NEB: variants seen among roughly 807,000 people sequenced by gnomAD.
NEB encodes nebulin.
NEB carries 512 observed loss-of-function variants against 952.2 expected under a neutral mutation model. The observed-to-expected ratio is 0.54, with a 90% CI of 0.50 to 0.58. The LOEUF (loss-of-function observed/expected upper bound fraction) is 0.58, where lower values mean the gene tolerates loss of function less well. Ranked by LOEUF, NEB falls within the 20% of genes least tolerant of loss-of-function variation. The pLI is 0.00. For synonymous variants in NEB, 2,900 were observed against 3,149.8 expected (o/e 0.92, Z 2.66); for missense variants, 8,428 against 9,231.1 (o/e 0.91, Z 3.56).
At position 151,633,758 on chromosome 2, in the gene NEB, A is replaced by C. The variant is rs1229724426; in HGVS notation, c.9310T>G (p.Leu3104Val). The C allele has an allele frequency of 3.1e-6, 5 of 1,613,952 alleles. No individual in the cohort carries two copies. Among genetic ancestry groups the C allele is most frequent in the Non-Finnish European group, 4.2e-6 (5 of 1,179,880 alleles). ...TTCTTATAGTCCACGTCACTGACTA[A>C]GGTCTGGCACTTCTTGGCCAGCACC... Reference protein sequence around the residue: ...GVVLAKKCQTLVSDVDYKNYL... With the variant: ...GVVLAKKCQTVVSDVDYKNYL... Residue 3104 changes from leucine to valine, a missense_variant, in exon 65 of 182, where the codon TTA becomes GTA. Transcript: ENST00000397345.
At chr2:151,568,443 G>A (rs1425458383) in intron 111 of NEB, 26 bp from the exon 112 acceptor site, 1 of 1,559,244 alleles carries the variant, frequency 6.4e-7, no homozygotes, top group African/African-American at 1.4e-5. Context: ...TGAGAGGCAA[G>A]GGGGCAAGTT....
chr2:151,557,839 C>T (rs2095766451), intron 124 of NEB, among the ~76,000 whole-genome samples: 1 of 152,162 alleles, frequency 6.6e-6, no homozygotes, highest in African/African-American at 2.4e-5. Flanking sequence ...TAAAAACTCT[C>T]AATAAACTAG....
At chr2:151,548,022 T>G (rs180950282) in intron 131 of NEB, among the ~76,000 whole-genome samples, 6 of 152,220 alleles carry the variant, frequency 3.9e-5, no homozygotes. Flanking sequence ...CAGACTAAAA[T>G]GCAACCTTAT....
rs149430473 is a variant in NEB at position 151,646,225 on chromosome 2, T to C, written c.7441A>G (p.Arg2481Gly). The change falls in exon 55 of 182, where the codon AGA becomes GGA. Residue 2481 changes from arginine (R) to glycine (G), a missense_variant. By Grantham distance (125) the Arg-to-Gly change is moderately radical. Transcript: ENST00000397345. ...NAKNRSDRLY[R>G]EAWDKDKTQI... ...GTCTTGTCTTTGTCCCAAGCTTCTC[T>C]ATAAAGTCTCTAAAATAAGAAATAA... The C allele has an allele frequency of 5.3e-5, 84 of 1,587,926 alleles. No homozygotes were observed. In the Middle Eastern group the frequency reaches 3.0e-3, roughly 57 times the overall value.
rs60310785 is a variant in NEB at position 151,488,652 on chromosome 2, T to TA, written c.25404+1318dup. ...TAGAGTGAGACCCTGTCTCTAAAAA[T>TA]AAAAAAAAAGTATTCTGTATTATTC... On this transcript the variant is annotated intron_variant, in intron 181 of 181. Transcript: ENST00000397345. Among the ~76,000 whole-genome samples the TA allele has an allele frequency of 2.4e-3, 370 of 151,122 alleles. 9 individuals are homozygous for TA. The East Asian group carries it at 0.043, about 18-fold the overall frequency.
intron 51 of NEB, among the ~76,000 whole-genome samples, chr2:151,654,497 G>A (rs1000115727): frequency 4.6e-5 from 7 of 152,184 alleles, no homozygotes; most frequent in African/African-American, 1.7e-4. Context: ...TTAGCTAAGT[G>A]ATAAAAGCAA....
At chr2:151,535,621 AT>A in intron 142 of NEB, 69 bp downstream of exon 142, 2 of 985,774 alleles carry the variant, frequency 2.0e-6, no homozygotes, top group Non-Finnish European at 3.0e-6. Context: ...TTGGGCTTTA[AT>A]TTAAAAAAAC....
chr2:151,663,922 AG>A, intron 44 of NEB, 63 bp from the exon 45 acceptor site: 1 of 1,488,310 alleles, frequency 6.7e-7, no homozygotes. Context: ...ACCATTTGCT[AG>A]GTGATGTGAG....
intron 18 of NEB, 53 bp from the exon 19 acceptor site, chr2:151,694,682 A>G: frequency 7.3e-7 from 1 of 1,365,048 alleles, no homozygotes; most frequent in Non-Finnish European, 1.0e-6. Context: ...GCATGTCACG[A>G]CCTTTAAAGA....
rs372905711 is a variant in NEB at position 151,610,509 on chromosome 2, T to G, written c.12018+7A>C. On this transcript the variant is annotated splice_region_variant and intron_variant, in intron 80 of 181. Transcript: ENST00000397345. Reference sequence around the variant, plus strand: ...AGACCACAGAGAGTTAGATGGAAGGTACTCACGTCACTGGCGATGTCCCTG... The same window carrying G: ...AGACCACAGAGAGTTAGATGGAAGGGACTCACGTCACTGGCGATGTCCCTG... 25 of 1,592,770 alleles carry G rather than the reference T, an allele frequency of 1.6e-5. No homozygotes were observed. Among genetic ancestry groups the G allele is most frequent in the Non-Finnish European group, 1.8e-5 (21 of 1,160,820 alleles).
chr2:151,578,696 A>G (rs1422197020), intron 105 of NEB, among the ~76,000 whole-genome samples: 1 of 148,238 alleles, frequency 6.7e-6, no homozygotes, highest in Non-Finnish European at 1.5e-5. Context: ...GGAAGGAAGG[A>G]GAGAAGGAGG....
rs1400153906 is a variant in NEB, at chr2:151,692,330, C to A, written c.1929G>T (p.Lys643Asn). 3 of 1,612,648 alleles carry A rather than the reference C, an allele frequency of 1.9e-6. No homozygotes were observed. The South Asian group carries it at 3.3e-5, about 18-fold the overall frequency. The change falls in exon 21 of 182, where the codon AAG (lysine) becomes AAT (asparagine). Residue 643 changes from lysine to asparagine, a missense_variant. Lys to Asn is a moderately conservative substitution (Grantham distance 94). Coordinates refer to ENST00000397345, the MANE Select transcript of NEB (RefSeq NM_001164508.2). The stretch of plus-strand genomic sequence containing the variant: ...TCTCACAGTAATTCATACTCTTTGC[C>A]TTTGTCTTCTCATAGTTTTCCTTGT... ...RLYKENYEKT[K>N]AKSMNYCETP... is the part of the protein sequence containing the mutation.
intron 181 of NEB, among the ~76,000 whole-genome samples, chr2:151,488,033 T>G (rs906510703): frequency 1.3e-5 from 2 of 152,184 alleles, no homozygotes; most frequent in African/African-American, 4.8e-5. Flanking sequence ...GCACTTTTAT[T>G]TTTATATTCC....
intron 7 of NEB, 39 bp from the exon 8 acceptor site, chr2:151,724,403 C>A: frequency 6.9e-7 from 1 of 1,452,934 alleles, no homozygotes; most frequent in South Asian, 1.2e-5. Context: ...CTTGAGGTCT[C>A]ACCCAAAGGC....
intron 11 of NEB, among the ~76,000 whole-genome samples, chr2:151,710,100 T>A (rs1175176154): frequency 1.3e-5 from 2 of 152,232 alleles, no homozygotes; most frequent in Non-Finnish European, 2.9e-5. Context: ...ATCAATTTCA[T>A]AACTGTACAA....
rs771952772 is a variant in NEB at position 151,546,047 on chromosome 2, G to A, written c.20467-49C>T. ...AAATACAAGTTGATTAATCATTTAA[G>A]GGATTCATGTCATATTGTCTTTCAA... On this transcript the variant is annotated intron_variant, in intron 134 of 181. Transcript: ENST00000397345. 6 of 1,154,986 alleles carry A rather than the reference G, an allele frequency of 5.2e-6. No homozygotes were observed. In the South Asian group the frequency reaches 6.7e-5, roughly 13 times the overall value. 71.5% of individuals were successfully genotyped at this position (1,154,986 alleles called of 1,614,324 possible).
chr2:151,540,401 C>G lies in NEB; in HGVS notation c.20835G>C (p.Pro6945=). 6.3e-7 allele frequency: 1 copy of G among 1,583,882 alleles called. No individual in the cohort carries two copies. Among genetic ancestry groups the G allele is most frequent in the South Asian group, 1.2e-5 (1 of 86,666 alleles). ...QYEKMKDKYT[P]VPDTPILIRA... Reference sequence around the variant, plus strand: ...TGATGAGGATTGGCGTATCTGGAACCGGAGTGTACTTGTCTTTCATCTTTT... The same window carrying G: ...TGATGAGGATTGGCGTATCTGGAACGGGAGTGTACTTGTCTTTCATCTTTT... Residue 6945 remains proline, a synonymous_variant, in exon 138 of 182, where the codon CCG becomes CCC. Transcript: ENST00000397345.
Position 151,642,876 on chromosome 2 carries a change from G to A in NEB, c.8161-7C>T, listed in dbSNP as rs113643881. ...AAGCTTCTGTATAGAGGCGCTAAGA[G>A]AAACAGAAAAACATGACTGGTATAG... On this transcript the variant is annotated splice_polypyrimidine_tract_variant and splice_region_variant and intron_variant, in intron 58 of 181. Transcript: ENST00000397345. The A allele has an allele frequency of 6.9e-6, 11 of 1,588,938 alleles. No individual in the cohort carries two copies. The highest frequency in any genetic ancestry group is 9.5e-6 in the Non-Finnish European group (11 of 1,162,622).
At chr2:151,492,033 G>T (rs1253046275) in intron 178 of NEB, 65 bp downstream of exon 178, 1 of 1,501,306 alleles carries the variant, frequency 6.7e-7, no homozygotes, top group African/African-American at 1.4e-5. Context: ...TGTAGGTAAT[G>T]CTACTTTTGT....
Sources: allele counts gnomAD v4.1 joint callset (sites outside exome capture counted in the v4.1 genomes callset), GRCh38; gene constraint gnomAD v4.1.1; transcripts MANE v1.5; gene names NCBI Gene and HGNC (gene_info 2026-07-23, HGNC 2026-07-21).